PRKCH: variants seen among roughly 807,000 people sequenced by gnomAD.
PRKCH encodes the protein protein kinase C eta type.
In PRKCH, 28 loss-of-function variants were observed where a neutral mutation model predicts 82.5. That is an observed-to-expected ratio of 0.34 (90% CI 0.25 to 0.47). PRKCH has a LOEUF of 0.47. Ranked by LOEUF, PRKCH falls within the 20% of genes least tolerant of loss-of-function variation. The pLI, the probability that PRKCH is intolerant of heterozygous loss-of-function variation, is 1.00. For missense variants in PRKCH, 705 were observed against 881.8 expected (o/e 0.80, Z 2.54); for synonymous variants, 322 against 327.4 (o/e 0.98, Z 0.18).
At chr14:61,201,027 CA>C (rs2044477214) in intron 1 of PRKCH, among the ~76,000 whole-genome samples, 1 of 152,076 alleles carries the variant, frequency 6.6e-6, no homozygotes, top group Admixed American at 6.5e-5. Flanking sequence ...AAACATGAAG[CA>C]AACTAATCTA....
At chr14:61,246,601 C>A (rs186447540) in intron 1 of PRKCH, among the ~76,000 whole-genome samples, 1 of 152,076 alleles carries the variant, frequency 6.6e-6, no homozygotes, top group African/African-American at 2.4e-5. Context: ...TGCTTAAAAC[C>A]CTGCCCTGGC....
intron 1 of PRKCH, among the ~76,000 whole-genome samples, chr14:61,339,448 C>T (rs1297145918): frequency 6.6e-6 from 1 of 150,522 alleles, no homozygotes; most frequent in African/African-American, 2.4e-5. Context: ...CTCAGCCTCC[C>T]GAGTAGCTGG....
intron 10 of PRKCH, among the ~76,000 whole-genome samples, chr14:61,520,809 C>A (rs2042895705): frequency 6.6e-6 from 1 of 152,104 alleles, no homozygotes; most frequent in Non-Finnish European, 1.5e-5. Flanking sequence ...TTGATGCAAC[C>A]CTTTTGGAAA....
intron 1 of PRKCH, among the ~76,000 whole-genome samples, chr14:61,367,064 A>G (rs112687742): frequency 0.012 from 1,800 of 152,204 alleles, 48 homozygotes; most frequent in African/African-American, 0.041. Context: ...TTGTGGAAGC[A>G]ATGACCCAAG....
intron 1 of PRKCH, among the ~76,000 whole-genome samples, chr14:61,268,997 T>C (rs2045128142): frequency 6.6e-6 from 1 of 152,122 alleles, no homozygotes. Flanking sequence ...GTTTCAAATA[T>C]AAAAAGACAT....
chr14:61,210,754 TTCTC>T lies in PRKCH; in HGVS notation c.-19+23120_-19+23123del, dbSNP rs57385240. On this transcript the variant is annotated intron_variant, in intron 1 of 3. Coordinates refer to the PRKCH transcript ENST00000555185. ...TCACATTAAATAGGCCAAGAGTCCT[TTCTC>T]TCTCTCTCTCTCTCTCTCTCTCTCT... Among the ~76,000 whole-genome samples, 1,154 of 144,404 alleles carry T rather than the reference TTCTC, an allele frequency of 8.0e-3. 18 individuals are homozygous for T. Among genetic ancestry groups the T allele is most frequent in the South Asian group, 0.037 (157 of 4,282 alleles). The allele number at this position is 144,404 out of a possible 152,430, so 94.7% of individuals were successfully genotyped here. A position where few individuals can be genotyped will look rare whatever the true frequency, so the allele number is the denominator to read the frequency against.
At chr14:61,403,791 T>A (rs1303650707) in intron 2 of PRKCH, among the ~76,000 whole-genome samples, 21 of 152,218 alleles carry the variant, frequency 1.4e-4, no homozygotes, top group Admixed American at 1.4e-3. Flanking sequence ...TAATCAAGGT[T>A]CTTGAAAAAC....
chr14:61,188,310 G>T (rs1481726082), intron 1 of PRKCH, among the ~76,000 whole-genome samples: 2 of 152,292 alleles, frequency 1.3e-5, no homozygotes, highest in East Asian at 1.9e-4. Flanking sequence ...TCAAGGCAGG[G>T]TTGGGTAGCT....
chr14:61,540,622 G>T (rs543367390), intron 12 of PRKCH, among the ~76,000 whole-genome samples: 4 of 152,354 alleles, frequency 2.6e-5, no homozygotes, highest in African/African-American at 9.6e-5. Context: ...CAACAAAGGA[G>T]TATGCAGCAT....
intron 1 of PRKCH, among the ~76,000 whole-genome samples, chr14:61,291,623 C>T (rs2045363627): frequency 6.6e-6 from 1 of 151,978 alleles, no homozygotes; most frequent in South Asian, 2.1e-4. Context: ...AGCCACCATG[C>T]CCAGCTGCCC....
intron 13 of PRKCH, among the ~76,000 whole-genome samples, chr14:61,548,824 T>G (rs2043291963): frequency 7.0e-6 from 1 of 142,866 alleles, no homozygotes; most frequent in Non-Finnish European, 1.5e-5. Context: ...GATTGCGTCA[T>G]GCGCTCCAGC....
At chr14:61,534,054 T>C (rs975736361) in intron 12 of PRKCH, among the ~76,000 whole-genome samples, 10 of 152,172 alleles carry the variant, frequency 6.6e-5, no homozygotes, top group Non-Finnish European at 1.3e-4. Context: ...TACTGAGAAA[T>C]TGTGACTCAT....
chr14:61,510,891 C>CAAAA, intron 10 of PRKCH, among the ~76,000 whole-genome samples: 1 of 151,972 alleles, frequency 6.6e-6, no homozygotes, highest in South Asian at 2.1e-4. Context: ...CTAATGTGCA[C>CAAAA]AAAGGTACCA....
chr14:61,339,469 G>A (rs1031821104), intron 1 of PRKCH, among the ~76,000 whole-genome samples: 7 of 149,782 alleles, frequency 4.7e-5, no homozygotes, highest in Admixed American at 2.7e-4. Context: ...GACTACAGGC[G>A]CCCACCACCA....
chr14:61,277,478 T>C (rs749818913), intron 1 of PRKCH: 5 of 152,176 alleles, frequency 3.3e-5, no homozygotes, highest in African/African-American at 4.8e-5. Flanking sequence ...TTCTAGCTAG[T>C]GAACATTTAC....
At chr14:61,193,421 A>G (rs140447797) in intron 1 of PRKCH, among the ~76,000 whole-genome samples, 1 of 152,198 alleles carries the variant, frequency 6.6e-6, no homozygotes, top group African/African-American at 2.4e-5. Flanking sequence ...TTGCTTTCTT[A>G]GCATGAAAAA....
At chr14:61,326,252 C>T (rs1248650390) in intron 1 of PRKCH, among the ~76,000 whole-genome samples, 2 of 152,066 alleles carry the variant, frequency 1.3e-5, no homozygotes, top group Admixed American at 1.3e-4. Context: ...TGGAATATTA[C>T]TCAGCAATAA....
At position 61,544,328 on chromosome 14, in the gene PRKCH, C is replaced by T. The variant is rs185708941; in HGVS notation, c.1762-3415C>T. On this transcript the variant is annotated intron_variant, in intron 12 of 13. Transcript: ENST00000332981. ...GTGTTCCCGAGTATCTCATTTTCCA[C>T]GAGAAGTTGGAAAACCTGACTTTTC... 4 of 152,260 alleles carry T rather than the reference C, an allele frequency of 2.6e-5. No individual in the cohort carries two copies. The East Asian group carries it at 5.8e-4, about 22-fold the overall frequency. 9.4% of individuals were successfully genotyped at this position (152,260 alleles called of 1,614,324 possible). A position where few individuals can be genotyped will look rare whatever the true frequency, so the allele number is the denominator to read the frequency against.
Position 61,549,674 on chromosome 14 carries a change from T to A in PRKCH, c.1906-11T>A. 1.2e-6 allele frequency: 2 copies of A among 1,609,570 alleles called. No individual in the cohort carries two copies. Among genetic ancestry groups the A allele is most frequent in the Non-Finnish European group, 1.7e-6 (2 of 1,179,398 alleles). Reference sequence around the variant, plus strand: ...AAAATCTCACCCTTGTTTCCCTTTTTTTTTTGGCAGAAATCCCGAGAAGAT... The same window carrying A: ...AAAATCTCACCCTTGTTTCCCTTTTATTTTTGGCAGAAATCCCGAGAAGAT... On this transcript the variant is annotated splice_polypyrimidine_tract_variant and intron_variant, in intron 13 of 13. Transcript: ENST00000332981.
Sources: gnomAD v4.1 joint callset for allele counts (sites outside exome capture counted in the v4.1 genomes callset) on GRCh38, gnomAD v4.1.1 for gene constraint, MANE v1.5 for transcripts, NCBI Gene and HGNC (gene_info 2026-07-23, HGNC 2026-07-21) for gene names.